Variants in ERG observed in about 807,000 individuals in gnomAD.
ERG encodes the protein ETS transcription factor ERG.
In ERG, 9 loss-of-function variants were observed where a neutral mutation model predicts 55.3. The observed-to-expected ratio is 0.16, with a 90% CI of 0.10 to 0.28. The LOEUF is 0.28. ERG is among the 10% of genes least tolerant of loss of function. The probability of loss-of-function intolerance (pLI) is 1.00; values close to 1 mark genes in which losing one functional copy is unlikely to be tolerated. For missense variants in ERG, 434 were observed against 631.6 expected, an observed-to-expected ratio of 0.69 and a Z score of 3.35; for synonymous variants, 223 against 237.3, an observed-to-expected ratio of 0.94 and a Z score of 0.55.
chr21:38,558,991 A>T (rs2059875640), intron 2 of ERG, among the ~76,000 whole-genome samples: 1 of 152,236 alleles, frequency 6.6e-6, no homozygotes, highest in African/African-American at 2.4e-5. Context: ...GGAGAGGGGA[A>T]GTGATGGCGA....
At chr21:38,622,369 ACACT>A (rs2060296027) in intron 1 of ERG, among the ~76,000 whole-genome samples, 1 of 151,968 alleles carries the variant, frequency 6.6e-6, no homozygotes, top group Admixed American at 6.6e-5. Context: ...GGTAACACAC[ACACT>A]CACAGCACAC....
upstream of ERG, among the ~76,000 whole-genome samples, chr21:38,588,908 T>A (rs577102062): frequency 3.7e-3 from 566 of 151,924 alleles, 2 homozygotes; most frequent in African/African-American, 0.013. Context: ...AAAAAAAAAA[T>A]TTTGGAGACA....
intron 1 of ERG, among the ~76,000 whole-genome samples, chr21:38,632,989 T>C (rs1282502748): frequency 6.6e-6 from 1 of 152,200 alleles, no homozygotes; most frequent in Non-Finnish European, 1.5e-5. Context: ...CAAATGTCCA[T>C]GGATGGATGA....
At chr21:38,587,871 A>T (rs1487931631), upstream of ERG, among the ~76,000 whole-genome samples, 1 of 152,252 alleles carries the variant, frequency 6.6e-6, no homozygotes, top group Non-Finnish European at 1.5e-5. Flanking sequence ...CTAGGCTGAA[A>T]GGATAATTTG....
chr21:38,401,223 C>T (rs1225887843), intron 5 of ERG, among the ~76,000 whole-genome samples: 2 of 152,066 alleles, frequency 1.3e-5, no homozygotes, highest in African/African-American at 4.8e-5. Flanking sequence ...TGGTTTCTTC[C>T]GTGTTTAACA....
At chr21:38,647,549 G>T (rs9976458) in intron 1 of ERG, among the ~76,000 whole-genome samples, 32,230 of 151,980 alleles carry the variant, frequency 0.21, 3,547 homozygotes, top group East Asian at 0.29. Flanking sequence ...AAAAAAATCA[G>T]AAAATGCTTT....
Position 38,451,879 on chromosome 21 carries a change from C to T in ERG, c.19-6258G>A, listed in dbSNP as rs145664232. Among the ~76,000 whole-genome samples the T allele has an allele frequency of 3.7e-3, 566 of 152,274 alleles. 1 individual carries two copies. The highest frequency in any genetic ancestry group is 6.8e-3 in the Middle Eastern group (2 of 294). ...CTTTTATTTACAACACACAAAAAAG[C>T]GAAACGTGGTAAGTGAAAGAAGCTT... On this transcript the variant is annotated intron_variant, in intron 1 of 9. Coordinates refer to ENST00000288319, the MANE Select transcript of ERG (RefSeq NM_182918.4).
intron 2 of ERG, among the ~76,000 whole-genome samples, chr21:38,435,802 GA>G (rs971153112): frequency 1.3e-5 from 2 of 152,138 alleles, no homozygotes; most frequent in Non-Finnish European, 2.9e-5. Flanking sequence ...TTCATCATTT[GA>G]AAACAAAATG....
chr21:38,631,963 T>G (rs2060359534), intron 1 of ERG, among the ~76,000 whole-genome samples: 1 of 152,020 alleles, frequency 6.6e-6, no homozygotes, highest in African/African-American at 2.4e-5. Context: ...AAGTCGTTGC[T>G]CAAGGTCTAA....
At chr21:38,628,793 G>A (rs2060340067) in intron 1 of ERG, among the ~76,000 whole-genome samples, 1 of 152,172 alleles carries the variant, frequency 6.6e-6, no homozygotes. Flanking sequence ...TTTGTGGTGG[G>A]CAACAAACAG....
At position 38,563,990 on chromosome 21, in the gene ERG, T is replaced by C. The variant is rs569631866; in HGVS notation, c.-41+11672A>G. 2.0e-5 allele frequency among the ~76,000 whole-genome samples: 3 copies of C among 152,292 alleles called. No individual in the cohort carries two copies. In the South Asian group the frequency reaches 6.2e-4, roughly 32 times the overall value. On this transcript the variant is annotated intron_variant, in intron 2 of 8. Transcript: ENST00000398897. Reference sequence around the variant, plus strand: ...GGACACCTGTTGCTCCCAATTGTAATCTTTTCTGATTGGTTTATGCCCCTT... The same window carrying C: ...GGACACCTGTTGCTCCCAATTGTAACCTTTTCTGATTGGTTTATGCCCCTT...
At position 38,381,791 on chromosome 21, in the gene ERG, GA is replaced by G; in HGVS notation, c.*1611del. The stretch of plus-strand genomic sequence containing the variant: ...GGCATAAATATGGAGGCTCCAATGT[GA>G]AACCCGGGGTCCTTCTGTTCCAAAA... On this transcript the variant is annotated 3_prime_UTR_variant, in exon 10 of 10. Coordinates refer to ENST00000288319, the MANE Select transcript of ERG (RefSeq NM_182918.4). The G allele has an allele frequency of 9.4e-7, 1 of 1,063,604 alleles. No individual in the cohort carries two copies. The highest frequency in any genetic ancestry group is 1.1e-6 in the Non-Finnish European group (1 of 878,276). 65.9% of individuals were successfully genotyped at this position (1,063,604 alleles called of 1,614,324 possible).
At chr21:38,453,058 T>G (rs2058955774) in intron 1 of ERG, among the ~76,000 whole-genome samples, 2 of 152,188 alleles carry the variant, frequency 1.3e-5, no homozygotes, top group Admixed American at 6.5e-5. Context: ...AAGAGACGTG[T>G]TTTTGTGAGA....
intron 1 of ERG, among the ~76,000 whole-genome samples, chr21:38,600,061 G>A (rs996987478): frequency 6.6e-6 from 1 of 152,210 alleles, no homozygotes; most frequent in Non-Finnish European, 1.5e-5. Context: ...TGATCTATAA[G>A]GCACGAGGTT....
At chr21:38,478,501 C>G (rs1031817209) in intron 1 of ERG, among the ~76,000 whole-genome samples, 14 of 152,168 alleles carry the variant, frequency 9.2e-5, no homozygotes, top group Non-Finnish European at 2.1e-4. Context: ...GCTATGGGCA[C>G]GTGAGCTGAC....
At chr21:38,647,206 G>T (rs578153483) in intron 1 of ERG, among the ~76,000 whole-genome samples, 17 of 152,240 alleles carry the variant, frequency 1.1e-4, no homozygotes, top group Admixed American at 1.0e-3. Flanking sequence ...AAACAAGGAC[G>T]ACAACCAACA....
At chr21:38,441,310 C>G (rs1318318298) in intron 2 of ERG, among the ~76,000 whole-genome samples, 1 of 152,140 alleles carries the variant, frequency 6.6e-6, no homozygotes. Flanking sequence ...GCACAGGTAG[C>G]TAGTCAGTTG....
rs751562456 is a variant in ERG, at chr21:38,407,648, A to AT, written c.389-3940_389-3939insA. On this transcript the variant is annotated intron_variant, in intron 3 of 9. Transcript: ENST00000288319. The stretch of plus-strand genomic sequence containing the variant: ...TCTTACAAAAGGTATATATATATTT[A>AT]ATGTATATTATATGTATACTATATA... Among the ~76,000 whole-genome samples the AT allele has an allele frequency of 4.1e-5, 6 of 146,590 alleles. 1 individual carries two copies. Among genetic ancestry groups the AT allele is most frequent in the African/African-American group, 1.5e-4 (6 of 40,230 alleles).
intron 1 of ERG, among the ~76,000 whole-genome samples, chr21:38,642,925 G>A (rs1295694752): frequency 2.6e-5 from 4 of 152,228 alleles, no homozygotes; most frequent in African/African-American, 4.8e-5. Flanking sequence ...CACTGAGAGA[G>A]GGCACACCCT....
Sources: gnomAD v4.1 joint callset for allele counts (sites outside exome capture counted in the v4.1 genomes callset) on GRCh38, gnomAD v4.1.1 for gene constraint, MANE v1.5 for transcripts, NCBI Gene and HGNC (gene_info 2026-07-23, HGNC 2026-07-21) for gene names.